The following PUM2 variants were observed in gnomAD, a reference collection of about 807,000 sequenced individuals.
PUM2 encodes pumilio RNA binding family member 2.
Under a neutral mutation model 124.5 loss-of-function variants are expected in PUM2, and 57 were observed. The ratio of observed to expected loss-of-function variants is 0.46; its 90% CI spans 0.37 to 0.57. PUM2 has a LOEUF of 0.57. Among genes scored for constraint, PUM2 ranks in the 20% least tolerant of loss-of-function variants. PUM2 has a pLI of 0.00. For synonymous variants in PUM2, 460 were observed against 446.1 expected (o/e 1.03, Z -0.39); for missense variants, 1,065 against 1,290.6 (o/e 0.83, Z 2.68).
chr2:20,273,308 G>C (rs1170577830), intron 13 of PUM2, among the ~76,000 whole-genome samples: 1 of 152,148 alleles, frequency 6.6e-6, no homozygotes, highest in Non-Finnish European at 1.5e-5. Flanking sequence ...CCGCACATTT[G>C]CAAACTGTTC....
intron 8 of PUM2, among the ~76,000 whole-genome samples, chr2:20,296,451 T>C (rs551938818): frequency 1.9e-4 from 28 of 150,468 alleles, no homozygotes; most frequent in Admixed American, 8.0e-4. Context: ...GCCGAGATCG[T>C]GCCACTGCAC....
chr2:20,260,049 T>G (rs1665798201), intron 15 of PUM2, among the ~76,000 whole-genome samples: 1 of 152,230 alleles, frequency 6.6e-6, no homozygotes, highest in South Asian at 2.1e-4. Flanking sequence ...GTTGAGCATC[T>G]TTTCATGGCC....
rs1277207116 is a variant in PUM2, at chr2:20,323,444, T to A, written c.51+3866A>T. The stretch of plus-strand genomic sequence containing the variant: ...GCCTAGGCGACAGAGCGAGACTCCA[T>A]CTCAAAAAAAAAAAAAAAAAAGAAT... On this transcript the variant is annotated intron_variant, in intron 2 of 20. Transcript: ENST00000361078. 6.3e-5 allele frequency among the ~76,000 whole-genome samples: 7 copies of A among 111,680 alleles called. No individual in the cohort carries two copies. In the South Asian group the frequency reaches 2.1e-3, roughly 34 times the overall value. The allele number at this position is 111,680 out of a possible 152,430, so 73.3% of individuals were successfully genotyped here.
chr2:20,341,877 C>T (rs1237476077), intron 1 of PUM2, among the ~76,000 whole-genome samples: 1 of 152,096 alleles, frequency 6.6e-6, no homozygotes, highest in Admixed American at 6.6e-5. Flanking sequence ...CGCCTGTAAT[C>T]CCAGCACTTT....
At chr2:20,296,450 G>C (rs192015622) in intron 8 of PUM2, among the ~76,000 whole-genome samples, 18 of 151,442 alleles carry the variant, frequency 1.2e-4, no homozygotes, top group Admixed American at 7.9e-4. Context: ...AGCCGAGATC[G>C]TGCCACTGCA....
intron 13 of PUM2, among the ~76,000 whole-genome samples, chr2:20,278,356 T>TA (rs768197339): frequency 1.1e-4 from 17 of 151,810 alleles, no homozygotes; most frequent in East Asian, 7.7e-4. Context: ...TTATATTTCA[T>TA]AAAAAAAACA....
At position 20,250,025 on chromosome 2, in the gene PUM2, G is replaced by A. The variant is rs74376146; in HGVS notation, c.*1560C>T. On this transcript the variant is annotated 3_prime_UTR_variant, in exon 21 of 21. Coordinates refer to ENST00000361078, the MANE Select transcript of PUM2 (RefSeq NM_015317.5). ...TATCATACAGATTTGCTCTTACTTG[G>A]GAGTAGGCTATTCAAAAATACAGTA... 1 of 152,456 alleles carries A rather than the reference G, an allele frequency of 6.6e-6. No individual in the cohort carries two copies. 9.4% of individuals were successfully genotyped at this position (152,456 alleles called of 1,614,324 possible).
chr2:20,264,199 T>G (rs1666975129), intron 13 of PUM2, among the ~76,000 whole-genome samples: 1 of 150,022 alleles, frequency 6.7e-6, no homozygotes, highest in African/African-American at 2.4e-5. Flanking sequence ...TAGCCAGGCG[T>G]GGTGGCGGGC....
intron 19 of PUM2, 42 bp downstream of exon 19, chr2:20,254,821 G>A (rs1401843756): frequency 1.3e-6 from 2 of 1,586,634 alleles, no homozygotes; most frequent in African/African-American, 1.3e-5. Flanking sequence ...AAGTCAATGA[G>A]TTGAAAGAAT....
At chr2:20,257,043 C>CAAAAAAAAAAAAAAAAAAAAAAAAAAAA (rs58072146) in intron 16 of PUM2, among the ~76,000 whole-genome samples, 2 of 71,810 alleles carry the variant, frequency 2.8e-5, no homozygotes, top group African/African-American at 1.2e-4. Context: ...GATTCCGTCT[C>CAAAAAAAAAAAAAAAAAAAAAAAAAAAA]AAAAAAAAAA....
At chr2:20,311,777 CTTAT>C (rs1417265448) in intron 4 of PUM2, 114 bp from the exon 5 acceptor site, 9 of 1,133,366 alleles carry the variant, frequency 7.9e-6, no homozygotes, top group Middle Eastern at 2.2e-4. Context: ...AGCATTGAAT[CTTAT>C]TTAATTTCGT....
intron 7 of PUM2, among the ~76,000 whole-genome samples, chr2:20,300,274 C>T (rs1403703224): frequency 6.6e-6 from 1 of 152,142 alleles, no homozygotes; most frequent in African/African-American, 2.4e-5. Flanking sequence ...CTCAGCCTCC[C>T]GAGTAGCTGG....
intron 13 of PUM2, among the ~76,000 whole-genome samples, chr2:20,275,036 C>T (rs1031364583): frequency 2.1e-4 from 29 of 137,924 alleles, no homozygotes; most frequent in African/African-American, 7.7e-4. Context: ...TGCCCCCCTC[C>T]TATAGATTAA....
At chr2:20,303,888 CT>C (rs1295189086) in intron 7 of PUM2, among the ~76,000 whole-genome samples, 1 of 152,200 alleles carries the variant, frequency 6.6e-6, no homozygotes, top group African/African-American at 2.4e-5. Context: ...GGCTCACACC[CT>C]TTATCTCTTA....
intron 15 of PUM2, among the ~76,000 whole-genome samples, chr2:20,258,741 C>T (rs1665450522): frequency 6.9e-6 from 1 of 145,908 alleles, no homozygotes; most frequent in East Asian, 2.1e-4. Context: ...AATCTCGGCT[C>T]ACTGCAAGCT....
At chr2:20,340,355 C>T (rs1448869646) in intron 1 of PUM2, among the ~76,000 whole-genome samples, 1 of 152,186 alleles carries the variant, frequency 6.6e-6, no homozygotes, top group Non-Finnish European at 1.5e-5. Context: ...GTAAAATACA[C>T]AACAGTAAGA....
At chr2:20,335,357 T>G (rs1462447882) in intron 1 of PUM2, among the ~76,000 whole-genome samples, 1 of 152,240 alleles carries the variant, frequency 6.6e-6, no homozygotes, top group East Asian at 1.9e-4. Context: ...GCCAACAAAC[T>G]TTTTTTGTTT....
intron 2 of PUM2, among the ~76,000 whole-genome samples, chr2:20,324,405 TATTC>T (rs1683169205): frequency 6.6e-6 from 1 of 152,212 alleles, no homozygotes; most frequent in African/African-American, 2.4e-5. Context: ...GCTATAAAGA[TATTC>T]TCAAAATAAA....
chr2:20,277,878 T>C (rs1205170788), intron 13 of PUM2, among the ~76,000 whole-genome samples: 1 of 152,018 alleles, frequency 6.6e-6, no homozygotes, highest in Non-Finnish European at 1.5e-5. Context: ...GCCCCTGATA[T>C]CCAAAGCCCT....
Sources: allele counts gnomAD v4.1 joint callset (sites outside exome capture counted in the v4.1 genomes callset), GRCh38; gene constraint gnomAD v4.1.1; transcripts MANE v1.5; gene names NCBI Gene and HGNC (gene_info 2026-07-23, HGNC 2026-07-21).